Variants in CNTN5 observed in about 807,000 individuals in gnomAD.
The protein encoded by CNTN5 is contactin 5, also known as contactin-5.
A neutral mutation model predicts 129.1 loss-of-function variants in CNTN5; 77 were observed. That is an observed-to-expected ratio of 0.60 (90% CI 0.50 to 0.72). CNTN5 has a LOEUF of 0.72. CNTN5 is among the 30% of genes least tolerant of loss of function. The pLI, the probability that CNTN5 is intolerant of heterozygous loss-of-function variation, is 0.00. For missense variants in CNTN5, 1,478 were observed against 1,328.8 expected (o/e 1.11, Z -1.75); for synonymous variants, 509 against 465.6 (o/e 1.09, Z -1.20).
chr11:100,090,529 T>TCCCTTCCTCCCTCCCTCCCACCCTCCCTC (rs1944733258), intron 13 of CNTN5, among the ~76,000 whole-genome samples: 1 of 28,040 alleles, frequency 3.6e-5, no homozygotes, highest in Non-Finnish European at 5.5e-5. Context: ...CTCCCTCCCT[T>TCCCTTCCTCCCTCCCTCCCACCCTCCCTC]CCTTCCTTCC....
At chr11:99,968,964 A>G (rs1951174782) in intron 8 of CNTN5, among the ~76,000 whole-genome samples, 1 of 152,080 alleles carries the variant, frequency 6.6e-6, no homozygotes, top group Non-Finnish European at 1.5e-5. Context: ...TGGAAAGCTT[A>G]TAATCTTGAT....
intron 2 of CNTN5, among the ~76,000 whole-genome samples, chr11:99,343,634 A>G (rs1054443005): frequency 3.3e-5 from 5 of 152,170 alleles, no homozygotes; most frequent in Non-Finnish European, 5.9e-5. Context: ...TCTAATATGT[A>G]TCTATCTTTT....
chr11:100,180,728 C>T (rs73562414), intron 13 of CNTN5, among the ~76,000 whole-genome samples: 4,714 of 151,772 alleles, frequency 0.031, 245 homozygotes, highest in African/African-American at 0.11. Context: ...AAATCACGTA[C>T]CCAACAAAGA....
chr11:99,261,253 T>G (rs1591437406), intron 1 of CNTN5, among the ~76,000 whole-genome samples: 2 of 152,026 alleles, frequency 1.3e-5, no homozygotes, highest in South Asian at 2.1e-4. Context: ...AATCGTAGAG[T>G]TAATTGTGAC....
chr11:100,267,249 T>A (rs1305917219), intron 17 of CNTN5, among the ~76,000 whole-genome samples: 2 of 49,010 alleles, frequency 4.1e-5, no homozygotes, highest in African/African-American at 6.2e-5. Flanking sequence ...TTCACATGAA[T>A]CAACCACACA....
chr11:99,261,310 A>G (rs1470512054), intron 1 of CNTN5, among the ~76,000 whole-genome samples: 3 of 152,032 alleles, frequency 2.0e-5, no homozygotes, highest in Admixed American at 2.0e-4. Flanking sequence ...TTCTTAGACA[A>G]TATCTTCATA....
At chr11:99,382,080 G>A (rs996999405) in intron 2 of CNTN5, among the ~76,000 whole-genome samples, 7 of 152,078 alleles carry the variant, frequency 4.6e-5, no homozygotes, top group African/African-American at 1.7e-4. Flanking sequence ...ATGCCTCAGG[G>A]AAAAATCATA....
intron 13 of CNTN5, among the ~76,000 whole-genome samples, chr11:100,080,314 G>C (rs1944311623): frequency 6.8e-6 from 1 of 147,514 alleles, no homozygotes; most frequent in South Asian, 2.2e-4. Flanking sequence ...TTTCTTTTAT[G>C]GGACTGTAAT....
At chr11:99,786,996 G>A (rs926189809) in intron 3 of CNTN5, among the ~76,000 whole-genome samples, 1 of 152,012 alleles carries the variant, frequency 6.6e-6, no homozygotes, top group Admixed American at 6.6e-5. Flanking sequence ...GTAACAAAAT[G>A]AGTTTTCTGA....
intron 1 of CNTN5, among the ~76,000 whole-genome samples, chr11:99,207,503 C>G (rs1183683550): frequency 6.6e-6 from 1 of 152,156 alleles, no homozygotes; most frequent in East Asian, 1.9e-4. Context: ...GGCCCATGAT[C>G]AGTGGAAATC....
At chr11:100,342,091 C>T (rs1035331262) in intron 23 of CNTN5, among the ~76,000 whole-genome samples, 1 of 150,178 alleles carries the variant, frequency 6.7e-6, no homozygotes, top group Non-Finnish European at 1.5e-5. Flanking sequence ...ATTTTAATTT[C>T]CATTAATATT....
intron 2 of CNTN5, among the ~76,000 whole-genome samples, chr11:99,342,733 AAAAG>A (rs370813586): frequency 1.6e-3 from 245 of 151,828 alleles, no homozygotes; most frequent in Middle Eastern, 3.4e-3. Flanking sequence ...CTTATCTGAA[AAAAG>A]AAAGAAAGAA....
At chr11:99,382,792 C>G (rs1466697527) in intron 2 of CNTN5, among the ~76,000 whole-genome samples, 1 of 145,740 alleles carries the variant, frequency 6.9e-6, no homozygotes, top group Non-Finnish European at 1.5e-5. Flanking sequence ...GTTTCATTCG[C>G]ACACAAGTCA....
intron 14 of CNTN5, among the ~76,000 whole-genome samples, chr11:100,192,323 A>C (rs886960454): frequency 2.0e-5 from 3 of 152,038 alleles, no homozygotes; most frequent in Non-Finnish European, 4.4e-5. Flanking sequence ...TTTAAACTAC[A>C]GTGTACTGCT....
intron 1 of CNTN5, among the ~76,000 whole-genome samples, chr11:99,186,345 A>C (rs991287728): frequency 6.6e-6 from 1 of 151,964 alleles, no homozygotes. Context: ...AGTAATGTTC[A>C]CTGACATTCT....
chr11:99,445,947 G>T (rs1944047886), intron 2 of CNTN5, among the ~76,000 whole-genome samples: 2 of 152,098 alleles, frequency 1.3e-5, no homozygotes, highest in South Asian at 4.2e-4. Context: ...AGCCAGGCGT[G>T]GTGGCAGGCT....
chr11:100,126,359 C>T (rs1198001604), intron 13 of CNTN5, among the ~76,000 whole-genome samples: 1 of 151,998 alleles, frequency 6.6e-6, no homozygotes, highest in Non-Finnish European at 1.5e-5. Context: ...TAATTTTGTA[C>T]CTTGATAATC....
At chr11:100,213,926 A>G (rs959499017) in intron 15 of CNTN5, among the ~76,000 whole-genome samples, 8 of 152,246 alleles carry the variant, frequency 5.3e-5, no homozygotes, top group African/African-American at 1.7e-4. Context: ...GTTTCTAAGC[A>G]TCAGAAACTT....
rs568342852 is a variant in CNTN5, at chr11:100,130,153, G to A, written c.1580+55859G>A. On this transcript the variant is annotated intron_variant, in intron 13 of 24. Transcript: ENST00000524871. ...AACCCACACTTTCTCATTGATATCC[G>A]CATATTCTTTAAGAAAGACAAAGGT... 2.3e-3 allele frequency among the ~76,000 whole-genome samples: 354 copies of A among 152,118 alleles called. 2 individuals carry two copies. Among genetic ancestry groups the A allele is most frequent in the Non-Finnish European group, 3.8e-3 (260 of 67,994 alleles).
Sources: allele counts gnomAD v4.1 joint callset (sites outside exome capture counted in the v4.1 genomes callset), GRCh38; gene constraint gnomAD v4.1.1; transcripts MANE v1.5; gene names NCBI Gene and HGNC (gene_info 2026-07-23, HGNC 2026-07-21).